MS4A4E: variants seen among roughly 807,000 people sequenced by gnomAD.
The protein encoded by MS4A4E is putative membrane-spanning 4-domains subfamily A member 4E.
MS4A4E carries 23 observed loss-of-function variants against 13.3 expected under a neutral mutation model. That is an observed-to-expected ratio of 1.73 (90% CI 1.25 to 2.45). The LOEUF is 2.45. MS4A4E is among the 30% of genes most tolerant of loss of function. The pLI is 0.00. For synonymous variants in MS4A4E, 36 were observed against 45.6 expected, an observed-to-expected ratio of 0.79 and a Z score of 0.85; for missense variants, 144 against 131.2, an observed-to-expected ratio of 1.10 and a Z score of -0.48.
At position 60,214,624 on chromosome 11, in the gene MS4A4E, TA is replaced by T; in HGVS notation, c.179-11del. ...GCAACTGATAAGGATACTGAAATAA[TA>T]AAATAAGAATGAGAGAAAAAAATGG... is the stretch of plus-strand genomic sequence containing the variant. On this transcript the variant is annotated splice_polypyrimidine_tract_variant and intron_variant, in intron 3 of 8. Coordinates refer to ENST00000651255, the MANE Select transcript of MS4A4E (RefSeq NM_001393391.1). 1 of 1,509,998 alleles carries T rather than the reference TA, an allele frequency of 6.6e-7. No homozygotes were observed. The highest frequency in any genetic ancestry group is 1.3e-5 in the South Asian group (1 of 79,880). 93.5% of individuals were successfully genotyped at this position (1,509,998 alleles called of 1,614,324 possible).
intron 3 of MS4A4E, 107 bp downstream of exon 3, chr11:60,228,487 A>G (rs922578263): frequency 6.9e-6 from 4 of 579,942 alleles, no homozygotes; most frequent in South Asian, 2.5e-5. Flanking sequence ...ACTCTCCTTC[A>G]TTGTTGACTG....
At chr11:60,205,323 G>A (rs867493366) in intron 7 of MS4A4E, among the ~76,000 whole-genome samples, 54 of 152,194 alleles carry the variant, frequency 3.5e-4, no homozygotes, top group African/African-American at 1.2e-3. Flanking sequence ...TAACCTACAA[G>A]AGGAAGGATA....
Position 60,238,468 on chromosome 11 carries a change from T to G in MS4A4E, c.-17+4490A>C, listed in dbSNP as rs139611458. On this transcript the variant is annotated intron_variant, in intron 1 of 8. Transcript: ENST00000651255. ...TCTGATTTATTTGGATATAATTTTA[T>G]AGTATCCCTTATAATTTCTTTAATT... 2.2e-3 allele frequency among the ~76,000 whole-genome samples: 338 copies of G among 152,242 alleles called. 1 individual carries two copies. The highest frequency in any genetic ancestry group is 7.6e-3 in the African/African-American group (316 of 41,570).
At chr11:60,228,547 A>G (rs1352267818) in intron 3 of MS4A4E, 47 bp downstream of exon 3, 2 of 636,460 alleles carry the variant, frequency 3.1e-6, no homozygotes, top group African/African-American at 3.6e-5. Flanking sequence ...GCAGTTTCTT[A>G]CAAAACTAAA....
chr11:60,209,032 A>G (rs1165383977), intron 5 of MS4A4E: 1 of 154,528 alleles, frequency 6.5e-6, no homozygotes, highest in East Asian at 1.9e-4. Flanking sequence ...TCATTGAAAA[A>G]ATACTATGAT....
intron 5 of MS4A4E, among the ~76,000 whole-genome samples, chr11:60,209,589 A>G (rs565854865): frequency 1.3e-5 from 2 of 152,376 alleles, no homozygotes; most frequent in Admixed American, 1.3e-4. Flanking sequence ...TTGTTACAGT[A>G]ACAATAAGAA....
intron 8 of MS4A4E, among the ~76,000 whole-genome samples, chr11:60,204,080 G>T (rs577508335): frequency 4.6e-5 from 7 of 152,266 alleles, no homozygotes; most frequent in South Asian, 2.1e-4. Flanking sequence ...CCAACAGAAG[G>T]CATTCTCAGG....
chr11:60,215,776 T>C (rs1262820863), intron 3 of MS4A4E, among the ~76,000 whole-genome samples: 1 of 152,114 alleles, frequency 6.6e-6, no homozygotes, highest in African/African-American at 2.4e-5. Flanking sequence ...ATGAATAACA[T>C]ATATTGCAAA....
chr11:60,212,327 T>TG (rs1446905159), intron 5 of MS4A4E, among the ~76,000 whole-genome samples: 47 of 151,296 alleles, frequency 3.1e-4, no homozygotes, highest in Non-Finnish European at 6.5e-4. Flanking sequence ...TTTTTTTTTT[T>TG]GAGACAGAGT....
intron 7 of MS4A4E, among the ~76,000 whole-genome samples, 75 bp from the exon 8 acceptor site, chr11:60,205,033 G>C (rs1404899484): frequency 6.6e-6 from 1 of 152,224 alleles, no homozygotes; most frequent in Non-Finnish European, 1.5e-5. Context: ...ATGGAGAAAG[G>C]TGGATACAAT....
Position 60,204,283 on chromosome 11 carries a change from C to G in MS4A4E, c.659+607G>C, listed in dbSNP as rs950016907. ...ATAGCAGTTAATCATCTTCCCTTGC[C>G]TTTATATATTTAAAACGTCAGGGAT... On this transcript the variant is annotated intron_variant, in intron 8 of 8. Transcript: ENST00000651255. Among the ~76,000 whole-genome samples, 5 of 152,130 alleles carry G rather than the reference C, an allele frequency of 3.3e-5. No homozygotes were observed. The South Asian group carries it at 1.0e-3, about 31-fold the overall frequency.
chr11:60,220,921 A>T (rs2134945735), intron 3 of MS4A4E, among the ~76,000 whole-genome samples: 1 of 152,278 alleles, frequency 6.6e-6, no homozygotes, highest in African/African-American at 2.4e-5. Flanking sequence ...CCAGGACAGG[A>T]GAAGGCTCTG....
intron 3 of MS4A4E, among the ~76,000 whole-genome samples, chr11:60,222,321 G>A (rs991500142): frequency 4.6e-5 from 7 of 152,164 alleles, no homozygotes; most frequent in Non-Finnish European, 8.8e-5. Context: ...TCTGACCAAG[G>A]CACTCACTTG....
Position 60,201,497 on chromosome 11 carries a change from C to T in MS4A4E, c.*46G>A, listed in dbSNP as rs757459348. On this transcript the variant is annotated 3_prime_UTR_variant, in exon 9 of 9. Transcript: ENST00000651255. ...GGGGTCGCGGCCGGGCAGAGGTGCT[C>T]CTCACATCCCAGACAGGGCGGTGGG... 5 of 256,746 alleles carry T rather than the reference C, an allele frequency of 1.9e-5. No individual in the cohort carries two copies. Among genetic ancestry groups the T allele is most frequent in the Non-Finnish European group, 3.9e-5 (5 of 127,610 alleles). The allele number at this position is 256,746 out of a possible 1,614,324, so 15.9% of individuals were successfully genotyped here.
At chr11:60,217,327 G>T (rs907218840) in intron 3 of MS4A4E, among the ~76,000 whole-genome samples, 1 of 152,188 alleles carries the variant, frequency 6.6e-6, no homozygotes, top group Non-Finnish European at 1.5e-5. Context: ...GATTGAAAAA[G>T]AATGGGACCC....
chr11:60,214,535 C>T (rs1190872978), intron 4 of MS4A4E, 36 bp downstream of exon 4: 2 of 1,441,786 alleles, frequency 1.4e-6, no homozygotes, highest in South Asian at 1.3e-5. Context: ...TTGATTAATC[C>T]TTTCCTTTTG....
At chr11:60,208,068 A>G (rs1382293605) in intron 6 of MS4A4E, among the ~76,000 whole-genome samples, 1 of 152,206 alleles carries the variant, frequency 6.6e-6, no homozygotes, top group East Asian at 1.9e-4. Flanking sequence ...GCTTTTATTT[A>G]GCTCTTGTGC....
Position 60,202,452 on chromosome 11 carries a change from T to G in MS4A4E, c.660-573A>C, listed in dbSNP as rs151326080. 4.7e-3 allele frequency among the ~76,000 whole-genome samples: 719 copies of G among 152,372 alleles called. 4 individuals carry two copies. Among genetic ancestry groups the G allele is most frequent in the South Asian group, 0.012 (60 of 4,830 alleles). On this transcript the variant is annotated intron_variant, in intron 8 of 8. Coordinates refer to ENST00000651255, the MANE Select transcript of MS4A4E (RefSeq NM_001393391.1). ...TGGTCAGTAGCATTCTAAAATTATC[T>G]GAATGCATGCACCTGTGTTACACTA...
At chr11:60,232,974 C>T (rs938263675) in intron 1 of MS4A4E, among the ~76,000 whole-genome samples, 1 of 152,142 alleles carries the variant, frequency 6.6e-6, no homozygotes, top group Non-Finnish European at 1.5e-5. Flanking sequence ...ACTCTCTGGG[C>T]ACCCATAGCT....
Sources: allele counts gnomAD v4.1 joint callset (sites outside exome capture counted in the v4.1 genomes callset), GRCh38; gene constraint gnomAD v4.1.1; transcripts MANE v1.5; gene names NCBI Gene and HGNC (gene_info 2026-07-23, HGNC 2026-07-21).